The following TBC1D5 variants were observed in gnomAD, a reference collection of about 807,000 sequenced individuals.
The protein encoded by TBC1D5 is TBC1 domain family member 5.
A neutral mutation model predicts 100.3 loss-of-function variants in TBC1D5; 75 were observed. The observed-to-expected ratio is 0.75, with a 90% confidence interval of 0.62 to 0.91. TBC1D5 has a LOEUF of 0.91. Among genes scored for constraint, TBC1D5 ranks in the 40% least tolerant of loss-of-function variants. The pLI is 0.00. For missense variants in TBC1D5, 910 were observed against 942.4 expected (o/e 0.97, Z 0.45); for synonymous variants, 323 against 325.6 (o/e 0.99, Z 0.09).
At chr3:17,589,649 G>A (rs1374061048) in intron 2 of TBC1D5, among the ~76,000 whole-genome samples, 1 of 152,032 alleles carries the variant, frequency 6.6e-6, no homozygotes, top group Non-Finnish European at 1.5e-5. Context: ...TCCAGTCTTG[G>A]GTATGTCTTT....
chr3:17,616,183 T>A (rs2062138206), intron 2 of TBC1D5, among the ~76,000 whole-genome samples: 1 of 152,230 alleles, frequency 6.6e-6, no homozygotes, highest in African/African-American at 2.4e-5. Context: ...TCAGTTTCCA[T>A]GTAGTTGTGC....
chr3:17,440,525 G>A (rs2094630246), intron 3 of TBC1D5, among the ~76,000 whole-genome samples: 1 of 152,188 alleles, frequency 6.6e-6, no homozygotes, highest in African/African-American at 2.4e-5. Context: ...ACTGGGGCAG[G>A]AGGATCACTT....
At chr3:17,650,771 A>G (rs2065472697) in intron 1 of TBC1D5, among the ~76,000 whole-genome samples, 1 of 152,200 alleles carries the variant, frequency 6.6e-6, no homozygotes, top group South Asian at 2.1e-4. Flanking sequence ...ATGTAATTCT[A>G]AAATCTTAGC....
chr3:17,594,079 C>T (rs887753476), intron 2 of TBC1D5, among the ~76,000 whole-genome samples: 2 of 152,154 alleles, frequency 1.3e-5, no homozygotes, highest in Non-Finnish European at 2.9e-5. Flanking sequence ...GGAACGATGG[C>T]ACCAGGAGAC....
chr3:17,606,332 A>G (rs1232303991), intron 2 of TBC1D5, among the ~76,000 whole-genome samples: 1 of 152,146 alleles, frequency 6.6e-6, no homozygotes, highest in East Asian at 1.9e-4. Flanking sequence ...GGTTCCAGCT[A>G]TTCAGGAGGC....
chr3:17,284,014 C>T (rs565188675), intron 15 of TBC1D5, among the ~76,000 whole-genome samples: 1 of 151,932 alleles, frequency 6.6e-6, no homozygotes, highest in African/African-American at 2.4e-5. Context: ...ATGGCACCTC[C>T]TCAGAAGGGC....
At chr3:17,238,215 CTGT>C (rs779405442) in exon 17 of TBC1D5, 1 of 1,614,028 alleles carries the variant, frequency 6.2e-7, no homozygotes, top group Admixed American at 1.7e-5. Flanking sequence ...TCTGCTGCTG[CTGT>C]TGCTGTTGCA....
At chr3:17,192,394 T>C (rs778470816) in intron 18 of TBC1D5, among the ~76,000 whole-genome samples, 5 of 152,082 alleles carry the variant, frequency 3.3e-5, no homozygotes, top group Admixed American at 6.5e-5. Context: ...AATTAGCATA[T>C]TTTGTCCCAT....
intron 2 of TBC1D5, among the ~76,000 whole-genome samples, chr3:17,546,469 A>G (rs1044143241): frequency 2.0e-5 from 3 of 152,168 alleles, no homozygotes; most frequent in Non-Finnish European, 4.4e-5. Flanking sequence ...TTATCTTTAT[A>G]AAAAGTAATA....
rs372606359 is a variant in TBC1D5, at chr3:17,491,023, A to G, written c.97+17451T>C. ...GTAGTTCTCCTTGAAGAGGTCCTTC[A>G]CTTCCCTTGTTAGCTTTATTCCTAG... On this transcript the variant is annotated intron_variant, in intron 3 of 21. Coordinates refer to ENST00000253692, the Ensembl canonical transcript of TBC1D5. Among the ~76,000 whole-genome samples the G allele has an allele frequency of 2.0e-4, 31 of 152,248 alleles. No homozygotes were observed. In the East Asian group the frequency reaches 4.8e-3, roughly 24 times the overall value.
chr3:17,415,930 A>G (rs1005192116), intron 4 of TBC1D5, among the ~76,000 whole-genome samples: 1 of 152,238 alleles, frequency 6.6e-6, no homozygotes, highest in African/African-American at 2.4e-5. Context: ...AACATGATAA[A>G]GAATTTGCCT....
chr3:17,598,071 A>T (rs1373981798), intron 2 of TBC1D5, among the ~76,000 whole-genome samples: 1 of 149,996 alleles, frequency 6.7e-6, no homozygotes, highest in Non-Finnish European at 1.5e-5. Context: ...CAATTCTTAG[A>T]ATTGCTTTGG....
chr3:17,368,265 C>A (rs2092279919), intron 13 of TBC1D5, among the ~76,000 whole-genome samples: 1 of 151,992 alleles, frequency 6.6e-6, no homozygotes, highest in African/African-American at 2.4e-5. Flanking sequence ...AATTTTAGTG[C>A]AAGTAATAGT....
At chr3:17,337,880 GA>G (rs931922789) in intron 13 of TBC1D5, among the ~76,000 whole-genome samples, 61 of 152,214 alleles carry the variant, frequency 4.0e-4, no homozygotes, top group African/African-American at 1.4e-3. Context: ...GGAGAAAGTA[GA>G]AAGCCTAAAT....
In TBC1D5 at chr3:17,169,667, C is replaced by T. The variant is rs535283038; in HGVS notation, c.1853-1839G>A. ...TTTTCGTTTCCTTAAAAGCCTGTAA[C>T]AATTTCTTCTCTCTCAATAAAAAAA... On this transcript the variant is annotated intron_variant, in intron 19 of 21. Coordinates refer to ENST00000253692, the Ensembl canonical transcript of TBC1D5. 4.6e-5 allele frequency among the ~76,000 whole-genome samples: 7 copies of T among 152,244 alleles called. No individual in the cohort carries two copies. In the East Asian group the frequency reaches 1.4e-3, roughly 29 times the overall value.
intron 13 of TBC1D5, among the ~76,000 whole-genome samples, chr3:17,327,749 G>A (rs191755572): frequency 2.0e-5 from 3 of 151,712 alleles, no homozygotes; most frequent in East Asian, 1.9e-4. Flanking sequence ...TCATGTTCTC[G>A]TATTTACTAT....
chr3:17,294,152 C>CA (rs1478240780), intron 14 of TBC1D5, among the ~76,000 whole-genome samples: 1 of 152,196 alleles, frequency 6.6e-6, no homozygotes, highest in Admixed American at 6.5e-5. Flanking sequence ...ACTAGAAGAT[C>CA]AGCATAAACC....
At chr3:17,576,442 T>C (rs954559937) in intron 2 of TBC1D5, 2 of 152,018 alleles carry the variant, frequency 1.3e-5, no homozygotes, top group African/African-American at 4.8e-5. Context: ...TAGTAGCATT[T>C]TTGAAACAAG....
chr3:17,227,993 G>T (rs2075074622), intron 17 of TBC1D5, among the ~76,000 whole-genome samples: 1 of 151,906 alleles, frequency 6.6e-6, no homozygotes, highest in African/African-American at 2.4e-5. Context: ...AGATCAAGAA[G>T]AGCTCCTTAT....
Sources: allele counts gnomAD v4.1 joint callset (sites outside exome capture counted in the v4.1 genomes callset), GRCh38; gene constraint gnomAD v4.1.1; transcripts MANE v1.5; gene names NCBI Gene and HGNC (gene_info 2026-07-23, HGNC 2026-07-21).